Variants in EPB41L5 observed in about 807,000 individuals in gnomAD.
EPB41L5 encodes the protein erythrocyte membrane protein band 4.1 like 5.
A neutral mutation model predicts 106.6 loss-of-function variants in EPB41L5; 55 were observed. That is an observed-to-expected ratio of 0.52 (90% CI 0.42 to 0.65). The LOEUF (loss-of-function observed/expected upper bound fraction) is 0.65. EPB41L5 is among the 30% of genes least tolerant of loss of function. The pLI is 0.00. For missense variants in EPB41L5, 871 were observed against 882.1 expected (o/e 0.99, Z 0.16); for synonymous variants, 297 against 306.7 (o/e 0.97, Z 0.33).
rs553084310 is a variant in EPB41L5 at position 120,119,996 on chromosome 2, C to T, written c.1338-7692C>T. Among the ~76,000 whole-genome samples the T allele has an allele frequency of 1.1e-3, 171 of 152,122 alleles. 1 individual carries two copies. Among genetic ancestry groups the T allele is most frequent in the African/African-American group, 3.9e-3 (161 of 41,516 alleles). On this transcript the variant is annotated intron_variant, in intron 16 of 24. Coordinates refer to ENST00000263713, the MANE Select transcript of EPB41L5 (RefSeq NM_020909.4). ...ATTTTAAAATCTTTCATAATTTTTC[C>T]TCTAAGATTCCATCTACATGACTAT...
chr2:120,028,062 C>T (rs1034379475), intron 2 of EPB41L5, among the ~76,000 whole-genome samples: 1 of 152,028 alleles, frequency 6.6e-6, no homozygotes, highest in Non-Finnish European at 1.5e-5. Context: ...AAGGGTTTCA[C>T]CATATTGGCC....
intron 2 of EPB41L5, among the ~76,000 whole-genome samples, chr2:120,037,094 G>A (rs4384797): frequency 0.99 from 150,030 of 151,624 alleles, 74,220 homozygotes; most frequent in Middle Eastern, 1. Context: ...GATTTTGCAG[G>A]AAAAAAAAAC....
chr2:120,173,569 T>G (rs979747335), intron 24 of EPB41L5, among the ~76,000 whole-genome samples: 2 of 152,238 alleles, frequency 1.3e-5, no homozygotes, highest in African/African-American at 4.8e-5. Context: ...TGTTTGTCCC[T>G]CAAAGTAGGA....
chr2:120,098,843 C>T (rs575523604), intron 14 of EPB41L5, among the ~76,000 whole-genome samples: 50 of 152,344 alleles, frequency 3.3e-4, no homozygotes, highest in African/African-American at 1.2e-3. Flanking sequence ...TTTTTGCTCT[C>T]ACCTTGTTAG....
rs978588778 is a variant in EPB41L5 at position 120,174,956 on chromosome 2, C to T, written c.*49C>T. The T allele has an allele frequency of 1.0e-5, 16 of 1,540,582 alleles. No homozygotes were observed. Among genetic ancestry groups the T allele is most frequent in the Admixed American group, 5.0e-5 (3 of 59,958 alleles). Reference sequence around the variant, plus strand: ...CTCTCCAGCATTCCGTCCTGGGATCCGTTTCAGCTAGAATATGTTGGATTC... The same window carrying T: ...CTCTCCAGCATTCCGTCCTGGGATCTGTTTCAGCTAGAATATGTTGGATTC... On this transcript the variant is annotated 3_prime_UTR_variant, in exon 25 of 25. Transcript: ENST00000263713.
chr2:120,083,624 T>G (rs1289807615), intron 10 of EPB41L5, among the ~76,000 whole-genome samples: 1 of 152,204 alleles, frequency 6.6e-6, no homozygotes, highest in Non-Finnish European at 1.5e-5. Context: ...TTAGTTCCGC[T>G]TGATGCAGAG....
intron 20 of EPB41L5, among the ~76,000 whole-genome samples, chr2:120,148,830 A>T (rs542944525): frequency 1.2e-3 from 184 of 151,788 alleles, no homozygotes; most frequent in African/African-American, 4.3e-3. Flanking sequence ...TTGCATACAA[A>T]TTTTTTTTTG....
Position 120,084,396 on chromosome 2 carries a change from T to A in EPB41L5, c.804-2775T>A, listed in dbSNP as rs1009902145. On this transcript the variant is annotated intron_variant, in intron 10 of 24. Transcript: ENST00000263713. The stretch of plus-strand genomic sequence containing the variant: ...CCTTCACTTATGAAGCTTAGTTTGG[T>A]TGGATGTGAAATTCTGGGTTGAAAA... Among the ~76,000 whole-genome samples, 3 of 152,166 alleles carry A rather than the reference T, an allele frequency of 2.0e-5. 1 individual carries two copies. The highest frequency in any genetic ancestry group is 2.0e-4 in the Admixed American group (3 of 15,260).
intron 16 of EPB41L5, among the ~76,000 whole-genome samples, chr2:120,123,726 C>A (rs1223067186): frequency 1.5e-5 from 2 of 135,258 alleles, no homozygotes; most frequent in African/African-American, 5.4e-5. Flanking sequence ...GGCACAATCT[C>A]GCCTCACTGC....
chr2:120,059,628 C>G (rs796940828), intron 3 of EPB41L5, among the ~76,000 whole-genome samples: 76 of 152,266 alleles, frequency 5.0e-4, no homozygotes, highest in African/African-American at 1.7e-3. Context: ...CCTAGCTGGG[C>G]GCAGTGGCTC....
At position 120,173,738 on chromosome 2, in the gene EPB41L5, A is replaced by T. The variant is rs529939889; in HGVS notation, c.2136-1103A>T. Among the ~76,000 whole-genome samples the T allele has an allele frequency of 1.1e-3, 162 of 152,276 alleles. 1 individual carries two copies. Among genetic ancestry groups the T allele is most frequent in the African/African-American group, 3.7e-3 (153 of 41,550 alleles). ...CTCTCCATTACCTGGGCTGGAGTGC[A>T]GTGTCATGATCATAGCTGACTGCAA... On this transcript the variant is annotated intron_variant, in intron 24 of 24. Transcript: ENST00000263713.
intron 16 of EPB41L5, among the ~76,000 whole-genome samples, chr2:120,110,635 A>AT (rs1234465616): frequency 0.076 from 9,050 of 118,714 alleles, 405 homozygotes; most frequent in Non-Finnish European, 0.086. Context: ...ACCTTCCCCT[A>AT]TTTTTTTTTT....
At chr2:120,061,737 A>G (rs1681094224) in intron 3 of EPB41L5, among the ~76,000 whole-genome samples, 1 of 152,198 alleles carries the variant, frequency 6.6e-6, no homozygotes, top group African/African-American at 2.4e-5. Context: ...GTGATACTGT[A>G]TATTATGCTT....
intron 16 of EPB41L5, 118 bp downstream of exon 16, chr2:120,100,932 G>A: frequency 3.0e-6 from 2 of 671,808 alleles, no homozygotes; most frequent in East Asian, 2.8e-5. Flanking sequence ...ATATTTGTGA[G>A]CTGGAAAGCT....
intron 11 of EPB41L5, among the ~76,000 whole-genome samples, chr2:120,089,796 G>A (rs374345572): frequency 6.6e-6 from 1 of 152,032 alleles, no homozygotes; most frequent in Non-Finnish European, 1.5e-5. Context: ...TAATGTTTAA[G>A]TTCATTTCCG....
intron 16 of EPB41L5, among the ~76,000 whole-genome samples, chr2:120,109,162 G>A (rs564039992): frequency 3.9e-5 from 6 of 152,220 alleles, no homozygotes; most frequent in Admixed American, 6.5e-5. Context: ...CCTGTTGTAT[G>A]CATCTGGTTA....
intron 18 of EPB41L5, among the ~76,000 whole-genome samples, chr2:120,140,839 C>G (rs1015142046): frequency 1.3e-5 from 2 of 152,100 alleles, no homozygotes; most frequent in Non-Finnish European, 2.9e-5. Context: ...GCTGATTTCT[C>G]TACCTCTGCT....
chr2:120,159,359 C>G (rs1288977773), intron 20 of EPB41L5, among the ~76,000 whole-genome samples: 3 of 146,182 alleles, frequency 2.1e-5, no homozygotes, highest in African/African-American at 7.6e-5. Flanking sequence ...GGAGGTGGAG[C>G]TTGCAGCAAG....
intron 1 of EPB41L5, among the ~76,000 whole-genome samples, chr2:120,017,963 AT>A (rs34151177): frequency 7.0e-4 from 92 of 131,044 alleles, no homozygotes; most frequent in African/African-American, 1.6e-3. Flanking sequence ...CACCCGGCCA[AT>A]TTTTTTTTTT....
Sources: allele counts gnomAD v4.1 joint callset (sites outside exome capture counted in the v4.1 genomes callset), GRCh38; gene constraint gnomAD v4.1.1; transcripts MANE v1.5; gene names NCBI Gene and HGNC (gene_info 2026-07-23, HGNC 2026-07-21).